GRK5: variants seen among roughly 807,000 people sequenced by gnomAD.
The protein encoded by GRK5 is G protein-coupled receptor kinase 5.
A neutral mutation model predicts 78.4 loss-of-function variants in GRK5; 40 were observed. That is an observed-to-expected ratio of 0.51 (90% CI 0.40 to 0.66). GRK5 has a LOEUF of 0.66. Among genes scored for constraint, GRK5 ranks in the 30% least tolerant of loss-of-function variants. GRK5 has a pLI of 0.00. For synonymous variants in GRK5, 289 were observed against 296.8 expected (o/e 0.97, Z 0.27); for missense variants, 598 against 759.9 (o/e 0.79, Z 2.50).
intron 4 of GRK5, among the ~76,000 whole-genome samples, chr10:119,409,959 G>C (rs139326749): frequency 1.6e-3 from 247 of 152,314 alleles, no homozygotes; most frequent in African/African-American, 5.6e-3. Flanking sequence ...GCATTGGCCT[G>C]AGCGGAGCTG....
At chr10:119,320,635 C>T (rs1158741837) in intron 1 of GRK5, among the ~76,000 whole-genome samples, 1 of 152,174 alleles carries the variant, frequency 6.6e-6, no homozygotes, top group Non-Finnish European at 1.5e-5. Flanking sequence ...GGGTGAGAAA[C>T]ATTCGGAAAG....
intron 1 of GRK5, among the ~76,000 whole-genome samples, chr10:119,291,710 CCTT>C (rs566273240): frequency 9.6e-4 from 145 of 150,350 alleles, no homozygotes; most frequent in African/African-American, 3.5e-3. Flanking sequence ...TGATCCTCCT[CCTT>C]ATCCTCATCC....
At chr10:119,257,375 C>T (rs115741252) in intron 1 of GRK5, among the ~76,000 whole-genome samples, 223 of 152,320 alleles carry the variant, frequency 1.5e-3, no homozygotes, top group African/African-American at 4.8e-3. Flanking sequence ...CCTGGTGGCA[C>T]GCCTCAGTGA....
Position 119,380,823 on chromosome 10 carries a change from T to G in GRK5, c.157T>G (p.Tyr53Asp), listed in dbSNP as rs1851698384. The G allele has an allele frequency of 6.2e-7, 1 of 1,606,798 alleles. No homozygotes were observed. The highest frequency in any genetic ancestry group is 8.5e-7 in the Non-Finnish European group (1 of 1,173,552). ...TCTTTTCTTGTCTCCAGACAGAGAT[T>G]ACTGCAGTTTATGTGACAAGCAGCC... Reference protein sequence around the residue: ...EDLRRTIDRDYCSLCDKQPIG... With the variant: ...EDLRRTIDRDDCSLCDKQPIG... The change falls in exon 3 of 16, where the codon TAC becomes GAC. Residue 53 changes from tyrosine (Y) to aspartate (D), a missense_variant. Physicochemically the swap from Tyr to Asp is radical, Grantham distance 160. Transcript: ENST00000392870.
chr10:119,457,496 A>T lies in GRK5; in HGVS notation c.*2429A>T, dbSNP rs1205961176. 1 of 152,110 alleles carries T rather than the reference A, an allele frequency of 6.6e-6. No homozygotes were observed. Among genetic ancestry groups the T allele is most frequent in the Non-Finnish European group, 1.5e-5 (1 of 68,042 alleles). The allele number at this position is 152,110 out of a possible 1,614,324, so 9.4% of individuals were successfully genotyped here. ...CCACCAGCCCTCCCTGAGTGCCCAG[A>T]GGAGATGGGGGCAGAGTCACTTGGC... is the stretch of plus-strand genomic sequence containing the variant. On this transcript the variant is annotated 3_prime_UTR_variant, in exon 16 of 16. Transcript: ENST00000392870.
In GRK5 at chr10:119,430,501, T is replaced by C. The variant is rs944231363; in HGVS notation, c.597+63T>C. Reference sequence around the variant, plus strand: ...CATTCAAGTCACCTTTCCTGTCCCTTCTAAATCAACCTAAAGGGTTGGCCC... The same window carrying C: ...CATTCAAGTCACCTTTCCTGTCCCTCCTAAATCAACCTAAAGGGTTGGCCC... On this transcript the variant is annotated intron_variant, in intron 7 of 15. Coordinates refer to ENST00000392870, the MANE Select transcript of GRK5 (RefSeq NM_005308.3). The surrounding 1 kb of genome is among the most constrained non-coding windows in gnomAD (Gnocchi z 4.5). 2 of 1,504,700 alleles carry C rather than the reference T, an allele frequency of 1.3e-6. No homozygotes were observed. Among genetic ancestry groups the C allele is most frequent in the Admixed American group, 1.8e-5 (1 of 56,688 alleles). 93.2% of individuals were successfully genotyped at this position (1,504,700 alleles called of 1,614,324 possible). A position where few individuals can be genotyped will look rare whatever the true frequency, so the allele number is the denominator to read the frequency against.
chr10:119,334,756 T>G (rs970849756), intron 2 of GRK5: 1 of 152,144 alleles, frequency 6.6e-6, no homozygotes, highest in African/African-American at 2.4e-5. Context: ...TTTGGCAATA[T>G]TTCTGTAGGA....
At chr10:119,270,691 G>A (rs981347170) in intron 1 of GRK5, among the ~76,000 whole-genome samples, 7 of 152,216 alleles carry the variant, frequency 4.6e-5, no homozygotes, top group Admixed American at 6.5e-5. Flanking sequence ...TCAAATGCTG[G>A]GGGAATGCAC....
rs1408000881 is a variant in GRK5 at position 119,394,628 on chromosome 10, GGTGTGTGTGTGGGT to G, written c.262-2057_262-2044del. ...GGGCACGTGTATGTTTGGGTGTGTG[GGTGTGTGTGTGGGT>G]GTGTGTGTGGGTGTGTGTATCTGTG... On this transcript the variant is annotated intron_variant, in intron 3 of 15. Coordinates refer to ENST00000392870, the MANE Select transcript of GRK5 (RefSeq NM_005308.3). Among the ~76,000 whole-genome samples the G allele has an allele frequency of 1.9e-3, 7 of 3,598 alleles. 1 individual carries two copies. Among genetic ancestry groups the G allele is most frequent in the African/African-American group, 3.9e-3 (7 of 1,802 alleles). The allele number at this position is 3,598 out of a possible 152,430, so 2.4% of individuals were successfully genotyped here. A position where few individuals can be genotyped will look rare whatever the true frequency, so the allele number is the denominator to read the frequency against.
At chr10:119,382,888 T>A (rs537965674) in intron 3 of GRK5, among the ~76,000 whole-genome samples, 1 of 152,292 alleles carries the variant, frequency 6.6e-6, no homozygotes, top group Non-Finnish European at 1.5e-5. Context: ...TTCTTATCCC[T>A]AAATGTCATT....
intron 4 of GRK5, among the ~76,000 whole-genome samples, chr10:119,411,890 G>A (rs1360075278): frequency 4.1e-5 from 5 of 121,000 alleles, no homozygotes; most frequent in Admixed American, 2.3e-4. Flanking sequence ...TTGCTCTGTC[G>A]CCCAGTCTGG....
At chr10:119,262,569 C>T (rs1849430760) in intron 1 of GRK5, among the ~76,000 whole-genome samples, 1 of 152,180 alleles carries the variant, frequency 6.6e-6, no homozygotes, top group Non-Finnish European at 1.5e-5. Context: ...ATCTCGAACT[C>T]CTGACTTCAT....
intron 4 of GRK5, among the ~76,000 whole-genome samples, chr10:119,405,891 T>C (rs1164276351): frequency 3.3e-5 from 5 of 152,228 alleles, no homozygotes; most frequent in Non-Finnish European, 7.3e-5. Flanking sequence ...TTAAAATAGA[T>C]GCGTTTTAAA....
At chr10:119,280,173 TGC>T (rs1849739496) in intron 1 of GRK5, among the ~76,000 whole-genome samples, 1 of 152,162 alleles carries the variant, frequency 6.6e-6, no homozygotes, top group African/African-American at 2.4e-5. Context: ...GCAGAACAGC[TGC>T]AGGAAAGGGG....
At chr10:119,448,849 C>G (rs1318070696) in intron 13 of GRK5, among the ~76,000 whole-genome samples, 1 of 152,126 alleles carries the variant, frequency 6.6e-6, no homozygotes, top group Non-Finnish European at 1.5e-5. Flanking sequence ...CTTGAAAGTC[C>G]CCTACATGGT....
At chr10:119,441,132 C>T (rs1853025634) in intron 10 of GRK5, among the ~76,000 whole-genome samples, 11 of 152,356 alleles carry the variant, frequency 7.2e-5, no homozygotes. Context: ...GGGCCCAGGC[C>T]TGCCGCCCCT....
At position 119,459,378 on chromosome 10, in the gene GRK5, T is replaced by C. The variant is rs1290931633; in HGVS notation, c.*4311T>C. ...GATTGAAAACATTTGAAAAGCCAGC[T>C]CTCCCTGGCAGAGAAAGACACTTCC... On this transcript the variant is annotated 3_prime_UTR_variant, in exon 16 of 16. Transcript: ENST00000392870. 2 of 151,770 alleles carry C rather than the reference T, an allele frequency of 1.3e-5. No individual in the cohort carries two copies. The highest frequency in any genetic ancestry group is 3.9e-4 in the East Asian group (2 of 5,106). The allele number at this position is 151,770 out of a possible 1,614,324, so 9.4% of individuals were successfully genotyped here. A position where few individuals can be genotyped will look rare whatever the true frequency, so the allele number is the denominator to read the frequency against.
Position 119,409,317 on chromosome 10 carries a change from G to A in GRK5, c.339+12545G>A, listed in dbSNP as rs189972867. 3.3e-4 allele frequency among the ~76,000 whole-genome samples: 50 copies of A among 152,230 alleles called. 1 individual carries two copies. The East Asian group carries it at 7.3e-3, about 22-fold the overall frequency. ...TGATTTCATCTTGGCGCCTCCTGAC[G>A]CCCTTGAGGCTGATGTGCCTTGCTG... On this transcript the variant is annotated intron_variant, in intron 4 of 15. Transcript: ENST00000392870.
At chr10:119,272,104 G>A (rs1849591428) in intron 1 of GRK5, among the ~76,000 whole-genome samples, 1 of 152,194 alleles carries the variant, frequency 6.6e-6, no homozygotes, top group South Asian at 2.1e-4. Flanking sequence ...AGCAGAGATG[G>A]TTCCAAATGT....
Sources: allele counts gnomAD v4.1 joint callset (sites outside exome capture counted in the v4.1 genomes callset), GRCh38; gene constraint gnomAD v4.1.1; non-coding constraint Gnocchi (gnomAD v3.1); transcripts MANE v1.5; gene names NCBI Gene and HGNC (gene_info 2026-07-23, HGNC 2026-07-21).